ERC2: variants seen among roughly 807,000 people sequenced by gnomAD.
ERC2 encodes ELKS/RAB6-interacting/CAST family member 2, also known as ERC protein 2.
ERC2 carries 42 observed loss-of-function variants against 114.8 expected under a neutral mutation model. The ratio of observed to expected loss-of-function variants is 0.37; its 90% CI spans 0.29 to 0.47. The LOEUF (loss-of-function observed/expected upper bound fraction) is 0.47, where lower values mean the gene tolerates loss of function less well. Ranked by LOEUF, ERC2 falls within the 20% of genes least tolerant of loss-of-function variation. The pLI is 0.99. For missense variants in ERC2, 939 were observed against 1,150.7 expected (o/e 0.82, Z 2.66); for synonymous variants, 454 against 425.5 (o/e 1.07, Z -0.82).
chr3:56,098,033 A>G (rs938725262), intron 6 of ERC2, among the ~76,000 whole-genome samples: 2 of 152,192 alleles, frequency 1.3e-5, no homozygotes, highest in Non-Finnish European at 2.9e-5. Context: ...ATAGCATCCT[A>G]TCTAGCTGAA....
At chr3:55,551,110 G>A (rs1354395721) in intron 17 of ERC2, among the ~76,000 whole-genome samples, 1 of 151,546 alleles carries the variant, frequency 6.6e-6, no homozygotes. Flanking sequence ...ATGTGTGTGT[G>A]TGTATATGTG....
chr3:56,447,909 AT>A, intron 1 of ERC2, among the ~76,000 whole-genome samples: 1 of 151,794 alleles, frequency 6.6e-6, no homozygotes, highest in East Asian at 1.9e-4. Context: ...AGCCCAGGGA[AT>A]TTTTGTATTT....
intron 17 of ERC2, among the ~76,000 whole-genome samples, chr3:55,571,480 A>G (rs1325873223): frequency 6.6e-6 from 1 of 151,968 alleles, no homozygotes; most frequent in Non-Finnish European, 1.5e-5. Flanking sequence ...TGCCCCAATC[A>G]CCCTGGGACC....
At chr3:56,323,393 A>G (rs990866479) in intron 2 of ERC2, among the ~76,000 whole-genome samples, 2 of 152,164 alleles carry the variant, frequency 1.3e-5, no homozygotes, top group Non-Finnish European at 2.9e-5. Flanking sequence ...TGACAATGAG[A>G]TATCATGAGG....
chr3:55,759,863 A>G (rs1361948194), intron 14 of ERC2, among the ~76,000 whole-genome samples: 1 of 152,226 alleles, frequency 6.6e-6, no homozygotes, highest in Non-Finnish European at 1.5e-5. Context: ...GAGTAATTAA[A>G]TTGTGCTTAA....
intron 2 of ERC2, among the ~76,000 whole-genome samples, chr3:56,410,470 A>C (rs1448502865): frequency 6.6e-6 from 1 of 152,238 alleles, no homozygotes; most frequent in Non-Finnish European, 1.5e-5. Flanking sequence ...CGTGCTAAGC[A>C]CTCTGCTTAT....
chr3:55,513,318 T>C (rs2052232477), intron 17 of ERC2, among the ~76,000 whole-genome samples: 1 of 152,254 alleles, frequency 6.6e-6, no homozygotes, highest in Admixed American at 6.5e-5. Flanking sequence ...TGCAGTCCTG[T>C]ACTTAACGCT....
At chr3:56,301,022 G>A (rs2055838681) in intron 2 of ERC2, among the ~76,000 whole-genome samples, 1 of 152,196 alleles carries the variant, frequency 6.6e-6, no homozygotes, top group African/African-American at 2.4e-5. Flanking sequence ...GATCAAGATG[G>A]GAGATCACTT....
rs9835775 is a variant in ERC2 at position 56,005,549 on chromosome 3, T to C, written c.2061+1632A>G. Among the ~76,000 whole-genome samples the C allele has an allele frequency of 7.3e-3, 1,108 of 152,206 alleles. 15 individuals carry two copies. Among genetic ancestry groups the C allele is most frequent in the African/African-American group, 0.025 (1,048 of 41,554 alleles). On this transcript the variant is annotated intron_variant, in intron 10 of 17. Coordinates refer to ENST00000288221, the MANE Select transcript of ERC2 (RefSeq NM_015576.3). Reference sequence around the variant, plus strand: ...ATTACTAGTGGATTTCAAATTCCCATAGATGATTTACACTAAAAAGGAAGG... The same window carrying C: ...ATTACTAGTGGATTTCAAATTCCCACAGATGATTTACACTAAAAAGGAAGG...
At position 56,417,385 on chromosome 3, in the gene ERC2, T is replaced by A. The variant is rs1453045317; in HGVS notation, c.657+16966A>T. ...GTAATGTGAGTCTTTCCTTTTTTTT[T>A]ATTTTTTGCACAAGAAAAGCCTAGC... is the stretch of plus-strand genomic sequence containing the variant. On this transcript the variant is annotated intron_variant, in intron 2 of 17. Transcript: ENST00000288221. Among the ~76,000 whole-genome samples the A allele has an allele frequency of 3.9e-5, 6 of 152,132 alleles. No homozygotes were observed. In the South Asian group the frequency reaches 8.3e-4, roughly 21 times the overall value.
chr3:55,605,102 A>AT (rs112258912), intron 17 of ERC2, among the ~76,000 whole-genome samples: 285 of 145,346 alleles, frequency 2.0e-3, no homozygotes, highest in Middle Eastern at 0.015. Context: ...AAACATGCAA[A>AT]TTTTTTTTTT....
chr3:56,267,252 T>C (rs1169211679), intron 3 of ERC2, among the ~76,000 whole-genome samples: 5 of 151,824 alleles, frequency 3.3e-5, no homozygotes, highest in Admixed American at 6.6e-5. Context: ...TCAACCTGTA[T>C]ACACACACAC....
chr3:56,401,232 A>G (rs1260676968), intron 2 of ERC2, among the ~76,000 whole-genome samples: 1 of 152,208 alleles, frequency 6.6e-6, no homozygotes, highest in Non-Finnish European at 1.5e-5. Context: ...TTGTGAAGTA[A>G]GTAGACTACA....
At chr3:56,138,047 ATTTCTTTTTTTTTTTT>A (rs2080617495) in intron 6 of ERC2, among the ~76,000 whole-genome samples, 1 of 114,390 alleles carries the variant, frequency 8.7e-6, no homozygotes, top group Non-Finnish European at 1.8e-5. Flanking sequence ...TGAAAATGGT[ATTTCTTTTTTTTTTTT>A]TTTTTTTTTT....
chr3:56,233,108 G>A (rs1003919946), intron 3 of ERC2, among the ~76,000 whole-genome samples: 3 of 152,168 alleles, frequency 2.0e-5, no homozygotes, highest in Non-Finnish European at 4.4e-5. Flanking sequence ...GGACTTTAAT[G>A]GGGTTTACTG....
At chr3:56,452,077 G>A (rs2062849502) in intron 1 of ERC2, among the ~76,000 whole-genome samples, 1 of 152,210 alleles carries the variant, frequency 6.6e-6, no homozygotes, top group Non-Finnish European at 1.5e-5. Flanking sequence ...CAAATCTCAT[G>A]AGAATTTAAG....
intron 17 of ERC2, among the ~76,000 whole-genome samples, chr3:55,591,600 T>TGC (rs57038726): frequency 0.01 from 1,466 of 142,390 alleles, 21 homozygotes; most frequent in African/African-American, 0.023. Flanking sequence ...TGTGTGTGTG[T>TGC]GCGCGCGCGT....
intron 17 of ERC2, among the ~76,000 whole-genome samples, chr3:55,586,183 A>G (rs1323274785): frequency 6.6e-6 from 1 of 152,054 alleles, no homozygotes; most frequent in Non-Finnish European, 1.5e-5. Flanking sequence ...TGGGGAAAGG[A>G]CCACGGAGAA....
At position 56,438,584 on chromosome 3, in the gene ERC2, C is replaced by T. The variant is rs1426234622; in HGVS notation, c.-140-3437G>A. 2.0e-5 allele frequency among the ~76,000 whole-genome samples: 3 copies of T among 152,126 alleles called. No individual in the cohort carries two copies. In the East Asian group the frequency reaches 5.8e-4, roughly 29 times the overall value. ...TTTCATTAAAAAAATGATTTTCTTT[C>T]TATGGTTCCAACAGTTAAATGAATG... On this transcript the variant is annotated intron_variant, in intron 1 of 17. Transcript: ENST00000288221.
Sources: gnomAD v4.1 joint callset for allele counts (sites outside exome capture counted in the v4.1 genomes callset) on GRCh38, gnomAD v4.1.1 for gene constraint, MANE v1.5 for transcripts, NCBI Gene and HGNC (gene_info 2026-07-23, HGNC 2026-07-21) for gene names.